Variants in PARD3B observed in about 807,000 individuals in gnomAD.
PARD3B encodes partitioning defective 3 homolog B.
In PARD3B, 103 loss-of-function variants were observed where a neutral mutation model predicts 130.2. The observed-to-expected ratio is 0.79, with a 90% confidence interval of 0.67 to 0.93. The LOEUF (loss-of-function observed/expected upper bound fraction) is 0.93, where lower values mean the gene tolerates loss of function less well. Ranked by LOEUF, PARD3B falls within the 40% of genes least tolerant of loss-of-function variation. The pLI, the probability that PARD3B is intolerant of heterozygous loss-of-function variation, is 0.00. For missense variants in PARD3B, 1,609 were observed against 1,499.2 expected, an observed-to-expected ratio of 1.07 and a Z score of -1.21; for synonymous variants, 583 against 553.2, an observed-to-expected ratio of 1.05 and a Z score of -0.76.
chr2:204,663,564 G>C (rs1200056945), intron 1 of PARD3B, among the ~76,000 whole-genome samples: 3 of 152,210 alleles, frequency 2.0e-5, no homozygotes, highest in Non-Finnish European at 2.9e-5. Context: ...GATAGGAGGT[G>C]AAGTATTTGA....
intron 21 of PARD3B, among the ~76,000 whole-genome samples, chr2:205,518,981 TGGGTGACCTGTC>T (rs1202235227): frequency 6.6e-6 from 1 of 152,214 alleles, no homozygotes; most frequent in Non-Finnish European, 1.5e-5. Context: ...GTTCCCTTTG[TGGGTGACCTGTC>T]CTTTCTCTCT....
In PARD3B at chr2:205,265,329, G is replaced by A. The variant is rs899441418; in HGVS notation, c.2185+19507G>A. ...GGAATCGATGCACTTTCAAGTTGGCGGATCTGATCATCAGTCTCTAAATGT... is the reference window on the plus strand; with the variant it reads ...GGAATCGATGCACTTTCAAGTTGGCAGATCTGATCATCAGTCTCTAAATGT... On this transcript the variant is annotated intron_variant, in intron 16 of 22. Transcript: ENST00000406610. This position sits in a 1 kb window ranked among gnomAD's most constrained non-coding sequence, Gnocchi z 4.3. Among the ~76,000 whole-genome samples, 7 of 151,952 alleles carry A rather than the reference G, an allele frequency of 4.6e-5. No homozygotes were observed. The highest frequency in any genetic ancestry group is 8.8e-5 in the Non-Finnish European group (6 of 67,932).
intron 20 of PARD3B, among the ~76,000 whole-genome samples, chr2:205,478,255 G>A (rs1025130252): frequency 5.9e-5 from 9 of 152,182 alleles, no homozygotes; most frequent in African/African-American, 1.9e-4. Flanking sequence ...GTCACTAGGG[G>A]CGCCCCCATT....
chr2:205,527,719 A>G (rs1035355758), intron 21 of PARD3B, among the ~76,000 whole-genome samples: 9 of 152,176 alleles, frequency 5.9e-5, no homozygotes, highest in Non-Finnish European at 1.3e-4. Flanking sequence ...GTATCCGATG[A>G]TGCCATTATC....
At chr2:205,061,141 G>T (rs546072152) in intron 4 of PARD3B, among the ~76,000 whole-genome samples, 25 of 152,152 alleles carry the variant, frequency 1.6e-4, no homozygotes, top group African/African-American at 5.1e-4. Flanking sequence ...CTGCCTGGAG[G>T]GTCTATAGAA....
intron 15 of PARD3B, among the ~76,000 whole-genome samples, chr2:205,209,725 A>C (rs1314150937): frequency 6.6e-6 from 1 of 151,990 alleles, no homozygotes; most frequent in Non-Finnish European, 1.5e-5. Context: ...GAAGTGATTA[A>C]AGACACTGTA....
At chr2:205,035,111 C>G (rs61443492) in intron 3 of PARD3B, among the ~76,000 whole-genome samples, 21 of 152,154 alleles carry the variant, frequency 1.4e-4, no homozygotes, top group South Asian at 4.2e-4. Flanking sequence ...GATCCCCCCC[C>G]CTCAGCCTCC....
chr2:205,075,773 G>C (rs538724270), intron 4 of PARD3B, among the ~76,000 whole-genome samples: 238 of 150,128 alleles, frequency 1.6e-3, no homozygotes, highest in Non-Finnish European at 3.0e-3. Flanking sequence ...CATTTTCCTT[G>C]ATCTCTATGG....
At chr2:205,254,088 T>TAAAAAAAAA (rs11287171) in intron 16 of PARD3B, among the ~76,000 whole-genome samples, 13 of 75,932 alleles carry the variant, frequency 1.7e-4, no homozygotes, top group Non-Finnish European at 1.6e-4. Flanking sequence ...GTAGAGAAAT[T>TAAAAAAAAA]AAAAAAAAAA....
intron 2 of PARD3B, among the ~76,000 whole-genome samples, chr2:204,880,738 G>C (rs1265224629): frequency 6.6e-6 from 1 of 151,768 alleles, no homozygotes; most frequent in Non-Finnish European, 1.5e-5. Flanking sequence ...GCTGATGTGG[G>C]GCTGCACACA....
At chr2:204,562,993 ATG>A (rs1267946219) in intron 1 of PARD3B, among the ~76,000 whole-genome samples, 2 of 152,120 alleles carry the variant, frequency 1.3e-5, no homozygotes, top group Non-Finnish European at 2.9e-5. Flanking sequence ...TGCCATGACA[ATG>A]TACCACAAAC....
chr2:204,661,417 A>G (rs910656508), intron 1 of PARD3B, among the ~76,000 whole-genome samples: 6 of 152,160 alleles, frequency 3.9e-5, no homozygotes, highest in African/African-American at 1.2e-4. Flanking sequence ...GATGCAACTT[A>G]CTTTCCCCTT....
chr2:204,748,354 G>A (rs1469418264), intron 2 of PARD3B, among the ~76,000 whole-genome samples: 1 of 152,082 alleles, frequency 6.6e-6, no homozygotes, highest in Non-Finnish European at 1.5e-5. Context: ...ACTCCTTCCT[G>A]AGCCTGGATT....
intron 3 of PARD3B, among the ~76,000 whole-genome samples, chr2:204,997,895 C>T (rs999813996): frequency 1.3e-5 from 2 of 148,440 alleles, no homozygotes; most frequent in Admixed American, 6.7e-5. Context: ...AAAATATTTA[C>T]AGTAATGTAG....
chr2:204,846,530 T>A (rs1245314575), intron 2 of PARD3B, among the ~76,000 whole-genome samples: 1 of 151,638 alleles, frequency 6.6e-6, no homozygotes, highest in East Asian at 1.9e-4. Context: ...TGTAAGGAGT[T>A]AATTAAAGTA....
intron 3 of PARD3B, among the ~76,000 whole-genome samples, chr2:205,042,785 G>A (rs534680522): frequency 4.0e-5 from 6 of 151,504 alleles, no homozygotes; most frequent in African/African-American, 1.5e-4. Flanking sequence ...GATAACTTGA[G>A]AGTGGATGAA....
intron 10 of PARD3B, among the ~76,000 whole-genome samples, chr2:205,156,220 C>T (rs1376750398): frequency 8.0e-6 from 1 of 125,774 alleles, no homozygotes; most frequent in Non-Finnish European, 1.5e-5. Context: ...AATGAGAACA[C>T]ATGGACACAG....
intron 14 of PARD3B, among the ~76,000 whole-genome samples, chr2:205,190,306 C>T (rs537216599): frequency 2.0e-4 from 30 of 152,188 alleles, no homozygotes; most frequent in Non-Finnish European, 4.0e-4. Context: ...GGTAGATTCT[C>T]AGTCTGCCTT....
intron 21 of PARD3B, among the ~76,000 whole-genome samples, chr2:205,533,817 T>G (rs2051712674): frequency 6.6e-6 from 1 of 152,116 alleles, no homozygotes; most frequent in South Asian, 2.1e-4. Context: ...AGCCTCAACC[T>G]CCGGGGCTCA....
Sources: gnomAD v4.1 joint callset for allele counts (sites outside exome capture counted in the v4.1 genomes callset) on GRCh38, gnomAD v4.1.1 for gene constraint, Gnocchi (gnomAD v3.1) non-coding constraint, MANE v1.5 for transcripts, NCBI Gene and HGNC (gene_info 2026-07-23, HGNC 2026-07-21) for gene names.